The following CFAP47 variants were observed in gnomAD, a reference collection of about 807,000 sequenced individuals.
The protein encoded by CFAP47 is cilia- and flagella-associated protein 47.
A neutral mutation model predicts 148.1 loss-of-function variants in CFAP47; 29 were observed. The observed-to-expected ratio is 0.20, with a 90% CI of 0.15 to 0.27. The LOEUF (loss-of-function observed/expected upper bound fraction) is 0.27, where lower values mean the gene tolerates loss of function less well. Among genes scored for constraint, CFAP47 ranks in the 10% least tolerant of loss-of-function variants. The pLI, the probability that CFAP47 is intolerant of heterozygous loss-of-function variation, is 1.00. For missense variants in CFAP47, 1,872 were observed against 1,697.5 expected (o/e 1.10, Z -1.81); for synonymous variants, 664 against 577.3 (o/e 1.15, Z -2.15).
At chrX:35,965,758 G>C (rs184047009) in intron 8 of CFAP47, among the ~76,000 whole-genome samples, 13 of 110,968 alleles carry the variant, frequency 1.2e-4, no homozygotes, top group African/African-American at 3.9e-4. Flanking sequence ...ACATCTCTCT[G>C]GTAGTGAGGC....
chrX:36,343,975 G>A (rs987124185), intron 57 of CFAP47, among the ~76,000 whole-genome samples: 54 of 106,722 alleles, frequency 5.1e-4, no homozygotes, highest in African/African-American at 1.7e-3. Context: ...TGGCTGCATA[G>A]TATTCCATGG....
At chrX:35,979,257 G>T (rs532062183) in intron 15 of CFAP47, among the ~76,000 whole-genome samples, 98 of 111,354 alleles carry the variant, frequency 8.8e-4, no homozygotes, top group African/African-American at 3.1e-3. Flanking sequence ...GGGATTACAG[G>T]CATGAGGCTC....
At chrX:36,158,975 TTAAA>T (rs750363674) in intron 37 of CFAP47, among the ~76,000 whole-genome samples, 2 of 112,199 alleles carry the variant, frequency 1.8e-5, no homozygotes, top group African/African-American at 6.5e-5. Context: ...TTGTAATTAA[TTAAA>T]TGTTATTATT....
At chrX:36,059,984 T>C (rs755575076) in intron 26 of CFAP47, among the ~76,000 whole-genome samples, 71 of 111,183 alleles carry the variant, frequency 6.4e-4, no homozygotes, top group African/African-American at 2.3e-3. Flanking sequence ...TTCCTTCCTC[T>C]CTCACCATGT....
intron 22 of CFAP47, among the ~76,000 whole-genome samples, chrX:36,022,801 G>C (rs57664747): frequency 0.022 from 2,423 of 111,329 alleles, 79 homozygotes; most frequent in African/African-American, 0.075. Context: ...AGAATTTCTG[G>C]TTGATTTTTA....
intron 39 of CFAP47, 83 bp from the exon 40 acceptor site, chrX:36,179,262 G>GA (rs1263873638): frequency 3.5e-6 from 1 of 282,899 alleles, no homozygotes; most frequent in South Asian, 2.2e-4. Flanking sequence ...TGAATGATAG[G>GA]AAAAAATAAA....
At position 35,926,006 on chromosome X, in the gene CFAP47, TC is replaced by T. The variant is rs772966498; in HGVS notation, c.250-8del. On this transcript the variant is annotated splice_polypyrimidine_tract_variant and intron_variant, in intron 1 of 63. Coordinates refer to ENST00000378653, the MANE Select transcript of CFAP47 (RefSeq NM_001304548.2). ...AAAATGTATAATTTGACTCTCTTTCTCCCACTGAAGTTCAAACTGATGTTGA... is the reference window on the plus strand; with the variant it reads ...AAAATGTATAATTTGACTCTCTTTCTCCACTGAAGTTCAAACTGATGTTGA... 26 of 1,186,853 alleles carry T rather than the reference TC, an allele frequency of 2.2e-5. No individual in the cohort carries two copies. The Admixed American group carries it at 5.9e-4, about 27-fold the overall frequency.
rs752366956 is a variant in CFAP47, at chrX:35,985,871, A to G, written c.2714-3448A>G. 2.5e-4 allele frequency: 72 copies of G among 285,100 alleles called. 1 individual carries two copies. The highest frequency in any genetic ancestry group is 2.5e-3 in the South Asian group (67 of 27,019). 23.5% of individuals were successfully genotyped at this position (285,100 alleles called of 1,213,427 possible). A position where few individuals can be genotyped will look rare whatever the true frequency, so the allele number is the denominator to read the frequency against. On this transcript the variant is annotated intron_variant, in intron 15 of 63. Coordinates refer to ENST00000378653, the MANE Select transcript of CFAP47 (RefSeq NM_001304548.2). ...ACCCTCGGGGCTCTACACAGCCTGG[A>G]GTCCTGCCCCTTCCTCCTAAGCGGC...
intron 3 of CFAP47, among the ~76,000 whole-genome samples, chrX:35,945,871 CT>C (rs34966421): frequency 0.011 from 931 of 87,615 alleles, no homozygotes; most frequent in African/African-American, 0.019. Context: ...TTCTCCTTCT[CT>C]TTTTTTTTTT....
chrX:36,034,301 T>G (rs1366308519), intron 23 of CFAP47, among the ~76,000 whole-genome samples: 1 of 111,310 alleles, frequency 9.0e-6, no homozygotes, highest in Non-Finnish European at 1.9e-5. Context: ...GTGAAATAAT[T>G]TTTTTATCAC....
intron 45 of CFAP47, among the ~76,000 whole-genome samples, chrX:36,214,903 A>G (rs2057277330): frequency 8.9e-6 from 1 of 112,268 alleles, no homozygotes. Flanking sequence ...CTAAAATAAC[A>G]AGAAAAAGTA....
At chrX:36,293,462 C>T (rs782392154) in intron 51 of CFAP47, among the ~76,000 whole-genome samples, 3 of 112,376 alleles carry the variant, frequency 2.7e-5, no homozygotes, top group South Asian at 3.7e-4. Flanking sequence ...GAGCAAGGCT[C>T]GTTCCATCTT....
chrX:36,336,178 C>T (rs1941602963), intron 57 of CFAP47, among the ~76,000 whole-genome samples: 1 of 107,194 alleles, frequency 9.3e-6, no homozygotes, highest in South Asian at 4.3e-4. Flanking sequence ...CTAAACCCAA[C>T]ACATTCTCTC....
At chrX:36,060,980 A>G (rs756944945) in intron 26 of CFAP47, among the ~76,000 whole-genome samples, 23 of 111,560 alleles carry the variant, frequency 2.1e-4, no homozygotes, top group African/African-American at 7.5e-4. Context: ...ACTTTGCGAT[A>G]TGGTTTGGAT....
chrX:35,980,761 T>C (rs1383927453), intron 15 of CFAP47, among the ~76,000 whole-genome samples: 1 of 110,892 alleles, frequency 9.0e-6, no homozygotes, highest in African/African-American at 3.3e-5. Context: ...AGGGCAACAA[T>C]GTTCTCATCT....
At chrX:36,019,517 A>C (rs1171347811) in intron 22 of CFAP47, among the ~76,000 whole-genome samples, 1 of 111,788 alleles carries the variant, frequency 8.9e-6, no homozygotes. Flanking sequence ...TGGCTCCTGC[A>C]AAGAGACCCT....
intron 10 of CFAP47, among the ~76,000 whole-genome samples, chrX:35,968,432 G>A (rs1936441322): frequency 8.9e-6 from 1 of 111,789 alleles, no homozygotes; most frequent in South Asian, 3.7e-4. Context: ...TGGTTAGTGA[G>A]AAGTGAACCA....
intron 33 of CFAP47, among the ~76,000 whole-genome samples, chrX:36,117,571 T>C (rs1689386924): frequency 8.9e-6 from 1 of 112,289 alleles, no homozygotes; most frequent in Non-Finnish European, 1.9e-5. Flanking sequence ...TCAAACCTTT[T>C]GCCCATTTTT....
chrX:36,147,723 T>C (rs1299668806), intron 36 of CFAP47, among the ~76,000 whole-genome samples: 1 of 112,491 alleles, frequency 8.9e-6, no homozygotes, highest in Non-Finnish European at 1.9e-5. Context: ...ACTTGTTCTA[T>C]TGGTTACCAA....
Sources: gnomAD v4.1 joint callset for allele counts (sites outside exome capture counted in the v4.1 genomes callset) on GRCh38, gnomAD v4.1.1 for gene constraint, MANE v1.5 for transcripts, NCBI Gene and HGNC (gene_info 2026-07-23, HGNC 2026-07-21) for gene names.